Variants in BANK1 observed in about 807,000 individuals in gnomAD.
BANK1 encodes the protein B-cell scaffold protein with ankyrin repeats.
BANK1 carries 95 observed loss-of-function variants against 94.5 expected under a neutral mutation model. The ratio of observed to expected loss-of-function variants is 1.00; its 90% CI spans 0.85 to 1.19. The LOEUF is 1.19. BANK1 is among the 50% of genes most tolerant of loss of function. The pLI is 0.00. For synonymous variants in BANK1, 334 were observed against 308.4 expected (o/e 1.08, Z -0.87); for missense variants, 987 against 932.2 (o/e 1.06, Z -0.77).
intron 7 of BANK1, among the ~76,000 whole-genome samples, chr4:102,004,953 A>G (rs72686782): frequency 6.6e-6 from 1 of 152,246 alleles, no homozygotes; most frequent in Non-Finnish European, 1.5e-5. Context: ...TGACACTAAT[A>G]TGTGATCTCC....
At chr4:102,007,539 T>C (rs1726346804) in intron 7 of BANK1, among the ~76,000 whole-genome samples, 1 of 152,008 alleles carries the variant, frequency 6.6e-6, no homozygotes, top group African/African-American at 2.4e-5. Flanking sequence ...AAGCCACAAA[T>C]TAAAATGAGT....
rs558138470 is a variant in BANK1 at position 101,866,693 on chromosome 4, C to G, written c.764-3812C>G. On this transcript the variant is annotated intron_variant, in intron 4 of 16. Coordinates refer to ENST00000322953, the MANE Select transcript of BANK1 (RefSeq NM_017935.5). ...TATACCCAAAGGACTATAAATCATGCTGCTATAAAGACACATGCACACGTA... is the reference window on the plus strand; with the variant it reads ...TATACCCAAAGGACTATAAATCATGGTGCTATAAAGACACATGCACACGTA... Among the ~76,000 whole-genome samples, 331 of 50,050 alleles carry G rather than the reference C, an allele frequency of 6.6e-3. 89 individuals are homozygous for G. Among genetic ancestry groups the G allele is most frequent in the African/African-American group, 0.041 (294 of 7,198 alleles). 32.8% of individuals were successfully genotyped at this position (50,050 alleles called of 152,430 possible).
At chr4:101,979,607 G>A (rs186462802) in intron 7 of BANK1, among the ~76,000 whole-genome samples, 15 of 151,824 alleles carry the variant, frequency 9.9e-5, no homozygotes, top group African/African-American at 3.4e-4. Flanking sequence ...AAACAAAATC[G>A]TGACTATCTA....
intron 7 of BANK1, among the ~76,000 whole-genome samples, chr4:101,997,940 ATTTC>A (rs1401361946): frequency 6.6e-6 from 1 of 151,524 alleles, no homozygotes; most frequent in Non-Finnish European, 1.5e-5. Context: ...GATCTTAGTT[ATTTC>A]TTGTCTTCTG....
chr4:102,035,025 C>T (rs1727452009), intron 10 of BANK1, among the ~76,000 whole-genome samples: 1 of 152,126 alleles, frequency 6.6e-6, no homozygotes, highest in Non-Finnish European at 1.5e-5. Flanking sequence ...ATAGTAGAAA[C>T]TCTGAATATT....
chr4:102,060,987 T>C (rs1015086220), intron 12 of BANK1, among the ~76,000 whole-genome samples: 3 of 152,142 alleles, frequency 2.0e-5, no homozygotes, highest in African/African-American at 7.2e-5. Context: ...CCCCTTGATA[T>C]TCCTTAGTGA....
rs79774124 is a variant in BANK1, at chr4:101,935,928, G to A, written c.1206+17739G>A. ...AAAAATCAACTGAAAATGGATTAAA[G>A]ACTTAAATCTAACACGTCAAGCTAT... On this transcript the variant is annotated intron_variant, in intron 7 of 16. Transcript: ENST00000322953. 4.8e-4 allele frequency among the ~76,000 whole-genome samples: 72 copies of A among 151,520 alleles called. No individual in the cohort carries two copies. The East Asian group carries it at 0.012, about 25-fold the overall frequency.
chr4:101,795,638 C>T (rs920091695), intron 1 of BANK1, among the ~76,000 whole-genome samples: 3 of 152,012 alleles, frequency 2.0e-5, no homozygotes, highest in African/African-American at 7.2e-5. Context: ...ATTATTAGGT[C>T]ACTATTGTAA....
chr4:102,063,229 C>T, intron 13 of BANK1, 91 bp downstream of exon 13: 5 of 1,160,840 alleles, frequency 4.3e-6, no homozygotes, highest in Non-Finnish European at 1.3e-6. Context: ...GAGTTCAAAT[C>T]TAAACCTCAA....
intron 8 of BANK1, among the ~76,000 whole-genome samples, chr4:102,023,036 T>A (rs1560692380): frequency 6.6e-6 from 1 of 152,234 alleles, no homozygotes; most frequent in Non-Finnish European, 1.5e-5. Context: ...GATATATTAT[T>A]TATCTGGTTG....
chr4:101,814,442 G>T (rs987986461), intron 1 of BANK1, among the ~76,000 whole-genome samples: 1 of 152,214 alleles, frequency 6.6e-6, no homozygotes, highest in African/African-American at 2.4e-5. Flanking sequence ...AAGGAAACAA[G>T]GGAAATGCCA....
chr4:101,867,765 T>TATAAATAAATAAATAA (rs59989392), intron 4 of BANK1, among the ~76,000 whole-genome samples: 7 of 147,582 alleles, frequency 4.7e-5, no homozygotes, highest in African/African-American at 1.7e-4. Context: ...AAAAAATAAA[T>TATAAATAAATAAATAA]ATAAATAAAT....
At chr4:101,880,509 A>T (rs766421489) in intron 5 of BANK1, among the ~76,000 whole-genome samples, 2 of 152,136 alleles carry the variant, frequency 1.3e-5, no homozygotes, top group African/African-American at 4.8e-5. Context: ...ACACAAAGCA[A>T]TCTACAGATT....
chr4:101,922,101 C>G (rs1723021618), intron 7 of BANK1, among the ~76,000 whole-genome samples: 1 of 150,684 alleles, frequency 6.6e-6, no homozygotes, highest in African/African-American at 2.4e-5. Flanking sequence ...CTGACAGGCC[C>G]TAATCTTTTT....
At chr4:101,833,761 C>G (rs1405346916) in intron 2 of BANK1, among the ~76,000 whole-genome samples, 2 of 152,114 alleles carry the variant, frequency 1.3e-5, no homozygotes, top group East Asian at 1.9e-4. Context: ...ATAATATTTC[C>G]TCATTGTCTA....
intron 7 of BANK1, among the ~76,000 whole-genome samples, chr4:102,017,510 G>T (rs1726749797): frequency 6.6e-6 from 1 of 152,228 alleles, no homozygotes; most frequent in African/African-American, 2.4e-5. Context: ...TGTGGCCTCA[G>T]AGGGAGAGAG....
chr4:101,933,312 G>GAAA (rs35218054), intron 7 of BANK1, among the ~76,000 whole-genome samples: 2 of 105,738 alleles, frequency 1.9e-5, no homozygotes, highest in Non-Finnish European at 3.7e-5. Flanking sequence ...TAAGAAAGGA[G>GAAA]AAAAAAAAAA....
At chr4:101,907,656 C>A (rs903751788) in intron 6 of BANK1, among the ~76,000 whole-genome samples, 13 of 152,174 alleles carry the variant, frequency 8.5e-5, no homozygotes, top group Non-Finnish European at 1.5e-4. Context: ...TTAGAAAACC[C>A]CATCATCTCA....
chr4:101,959,129 AGTTT>A (rs565545160), intron 7 of BANK1, among the ~76,000 whole-genome samples: 1 of 137,848 alleles, frequency 7.3e-6, no homozygotes, highest in East Asian at 2.2e-4. Flanking sequence ...CCTAGAGAGT[AGTTT>A]GTTTGTTTTT....
Sources: allele counts gnomAD v4.1 joint callset (sites outside exome capture counted in the v4.1 genomes callset), GRCh38; gene constraint gnomAD v4.1.1; transcripts MANE v1.5; gene names NCBI Gene and HGNC (gene_info 2026-07-23, HGNC 2026-07-21).